The following LGR6 variants were observed in gnomAD, a reference collection of about 807,000 sequenced individuals.
LGR6 encodes the protein leucine rich repeat containing G protein-coupled receptor 6, also known as leucine-rich repeat-containing G protein-coupled receptor 6.
A neutral mutation model predicts 69.4 loss-of-function variants in LGR6; 45 were observed. That is an observed-to-expected ratio of 0.65 (90% CI 0.51 to 0.83). The LOEUF (loss-of-function observed/expected upper bound fraction) is 0.83. LGR6 is among the 40% of genes least tolerant of loss of function. LGR6 has a pLI of 0.00. For missense variants in LGR6, 1,108 were observed against 1,246.7 expected (o/e 0.89, Z 1.68); for synonymous variants, 538 against 555.0 (o/e 0.97, Z 0.43).
intron 12 of LGR6, 64 bp downstream of exon 12, chr1:202,305,813 A>T: frequency 7.7e-7 from 1 of 1,294,092 alleles, no homozygotes; most frequent in Non-Finnish European, 1.1e-6. Context: ...TCCTGTAGGG[A>T]GGTGTGATGG....
chr1:202,282,969 T>C (rs530683927), intron 6 of LGR6, among the ~76,000 whole-genome samples: 1 of 152,362 alleles, frequency 6.6e-6, no homozygotes, highest in East Asian at 1.9e-4. Flanking sequence ...TCAGACAGCC[T>C]GGGGTACAGT....
At chr1:202,262,018 C>G (rs1405781703) in intron 4 of LGR6, among the ~76,000 whole-genome samples, 1 of 152,088 alleles carries the variant, frequency 6.6e-6, no homozygotes, top group Non-Finnish European at 1.5e-5. Flanking sequence ...CGAAAATTTT[C>G]TCCCATTATG....
chr1:202,225,340 C>T, intron 1 of LGR6, 83 bp from the exon 2 acceptor site: 1 of 1,306,642 alleles, frequency 7.7e-7, no homozygotes, highest in Non-Finnish European at 1.1e-6. Context: ...TCGGAGGTCC[C>T]TCGAGGGGGG....
chr1:202,276,346 A>G lies in LGR6; in HGVS notation c.469A>G (p.Ser157Gly). The change falls in exon 5 of 18, where the codon AGC becomes GGC. Residue 157 changes from serine to glycine, a missense_variant. By Grantham distance (56) the Ser-to-Gly change is moderately conservative. Coordinates refer to ENST00000367278, the MANE Select transcript of LGR6 (RefSeq NM_001017403.2). ...ANLISLVPER[S>G]FEGLSSLRHL... is the part of the protein sequence containing the mutation. ...CCTCATCTCCCTGGTCCCGGAGAGGAGCTTTGAGGGGCTGTCCTCCCTCCG... is the reference window on the plus strand; with the variant it reads ...CCTCATCTCCCTGGTCCCGGAGAGGGGCTTTGAGGGGCTGTCCTCCCTCCG... 6.2e-7 allele frequency: 1 copy of G among 1,613,958 alleles called. No individual in the cohort carries two copies. Among genetic ancestry groups the G allele is most frequent in the Non-Finnish European group, 8.5e-7 (1 of 1,179,998 alleles).
rs536902486 is a variant in LGR6, at chr1:202,305,867, T to C, written c.1136+118T>C. 84 of 843,622 alleles carry C rather than the reference T, an allele frequency of 1.0e-4. 1 individual carries two copies. In the South Asian group the frequency reaches 1.2e-3, roughly 12 times the overall value. The allele number at this position is 843,622 out of a possible 1,614,324, so 52.3% of individuals were successfully genotyped here. ...AATGCACACTTTGACATTTCTTCCT[T>C]CTCTTTTCTGAGTTTGTTTAACCCA... On this transcript the variant is annotated intron_variant, in intron 12 of 17. Coordinates refer to ENST00000367278, the MANE Select transcript of LGR6 (RefSeq NM_001017403.2).
intron 4 of LGR6, among the ~76,000 whole-genome samples, chr1:202,272,293 C>T (rs932164736): frequency 6.6e-6 from 1 of 152,194 alleles, no homozygotes; most frequent in African/African-American, 2.4e-5. Flanking sequence ...CCATGCCCCA[C>T]CCCCAAGCCC....
chr1:202,318,381 G>A lies in LGR6; in HGVS notation c.2078G>A (p.Cys693Tyr). 1 of 1,604,548 alleles carries A rather than the reference G, an allele frequency of 6.2e-7. No homozygotes were observed. Among genetic ancestry groups the A allele is most frequent in the Non-Finnish European group, 8.5e-7 (1 of 1,175,366 alleles). ...AGCGTTCGAGCAGGGGTCCTAGGCTGCCTGGCACTGGCAGGGCTGGCCGCC... is the reference window on the plus strand; with the variant it reads ...AGCGTTCGAGCAGGGGTCCTAGGCTACCTGGCACTGGCAGGGCTGGCCGCC... ...LGSVRAGVLGCLALAGLAAAL... is the reference protein window; with the variant it reads ...LGSVRAGVLGYLALAGLAAAL... The change falls in exon 18 of 18, where the codon TGC (cysteine) becomes TAC (tyrosine). Residue 693 changes from cysteine to tyrosine, a missense_variant. Cys to Tyr is a radical substitution (Grantham distance 194). Coordinates refer to ENST00000367278, the MANE Select transcript of LGR6 (RefSeq NM_001017403.2).
At chr1:202,300,206 C>G (rs867351356) in intron 7 of LGR6, among the ~76,000 whole-genome samples, 2 of 152,214 alleles carry the variant, frequency 1.3e-5, no homozygotes, top group Non-Finnish European at 2.9e-5. Flanking sequence ...AGGGCTCTCA[C>G]GACAAATGAC....
At chr1:202,313,274 A>G (rs1653889884) in intron 16 of LGR6, among the ~76,000 whole-genome samples, 2 of 152,088 alleles carry the variant, frequency 1.3e-5, no homozygotes, top group African/African-American at 4.8e-5. Flanking sequence ...TGAAAAGAAC[A>G]TTAAAGATGA....
chr1:202,271,161 T>C (rs984432485), intron 4 of LGR6, among the ~76,000 whole-genome samples: 3 of 152,060 alleles, frequency 2.0e-5, no homozygotes, highest in Admixed American at 2.0e-4. Context: ...CAAGCCAGAG[T>C]CCATCAGGAT....
At chr1:202,203,865 A>G (rs766155551) in intron 1 of LGR6, 5 of 1,613,240 alleles carry the variant, frequency 3.1e-6, no homozygotes, top group Non-Finnish European at 4.2e-6. Flanking sequence ...GTCAATAATC[A>G]TCTCTGCCCG....
chr1:202,195,037 G>A (rs1352397225), intron 1 of LGR6, among the ~76,000 whole-genome samples: 1 of 152,214 alleles, frequency 6.6e-6, no homozygotes, highest in African/African-American at 2.4e-5. Context: ...CACCACCTGG[G>A]CAGGAGGAGG....
rs141516917 is a variant in LGR6, at chr1:202,247,082, C to T, written c.428+11089C>T. 2.0e-5 allele frequency among the ~76,000 whole-genome samples: 3 copies of T among 152,336 alleles called. No homozygotes were observed. In the East Asian group the frequency reaches 5.8e-4, roughly 29 times the overall value. On this transcript the variant is annotated intron_variant, in intron 4 of 17. Transcript: ENST00000367278. The stretch of plus-strand genomic sequence containing the variant: ...ACTAGGGAAACTATAAAGTGCAGAT[C>T]CCCAGGCCCCTTCTCAGACTTAGTG...
intron 5 of LGR6, among the ~76,000 whole-genome samples, chr1:202,279,057 G>A (rs1329605022): frequency 6.6e-6 from 1 of 152,200 alleles, no homozygotes; most frequent in Non-Finnish European, 1.5e-5. Flanking sequence ...GGAGCTGGAT[G>A]TTTAGCTGAG....
At chr1:202,307,501 A>G (rs1334356668) in intron 14 of LGR6, 100 bp downstream of exon 14, 3 of 965,694 alleles carry the variant, frequency 3.1e-6, no homozygotes, top group Middle Eastern at 2.2e-4. Flanking sequence ...AGGAACATGC[A>G]TATCCCAGGG....
At chr1:202,216,953 G>A (rs1462917080) in intron 1 of LGR6, among the ~76,000 whole-genome samples, 1 of 152,256 alleles carries the variant, frequency 6.6e-6, no homozygotes, top group Non-Finnish European at 1.5e-5. Context: ...CATGGGGGCA[G>A]GAGTGACCTT....
chr1:202,207,686 C>T (rs936907974), intron 1 of LGR6, among the ~76,000 whole-genome samples: 1 of 152,186 alleles, frequency 6.6e-6, no homozygotes, highest in Non-Finnish European at 1.5e-5. Flanking sequence ...CTGCCTTTTA[C>T]CAATCCTTGG....
chr1:202,197,215 A>G (rs551256242), intron 1 of LGR6: 91 of 453,152 alleles, frequency 2.0e-4, no homozygotes, highest in South Asian at 8.3e-4. Flanking sequence ...CCTTCTAGCC[A>G]ATACCTTTCA....
In LGR6 at chr1:202,301,212, G is replaced by A; in HGVS notation, c.906G>A (p.Gln302=). 6.2e-7 allele frequency: 1 copy of A among 1,614,158 alleles called. No homozygotes were observed. ...AGTTTGTGGGAAGATCGGCATTCCA[G>A]TACCTGCCTAAACTCCACACACTGT... is the stretch of plus-strand genomic sequence containing the variant. The part of the protein sequence containing the change: ...PIQFVGRSAF[Q]YLPKLHTLSL... Residue 302 remains glutamine, a synonymous_variant, in exon 9 of 18, where the codon CAG becomes CAA. Transcript: ENST00000367278.
Sources: gnomAD v4.1 joint callset for allele counts (sites outside exome capture counted in the v4.1 genomes callset) on GRCh38, gnomAD v4.1.1 for gene constraint, MANE v1.5 for transcripts, NCBI Gene and HGNC (gene_info 2026-07-23, HGNC 2026-07-21) for gene names.